Variants in SPTLC3 observed in about 807,000 individuals in gnomAD.
SPTLC3 encodes serine palmitoyltransferase long chain base subunit 3, also known as serine palmitoyltransferase 3.
SPTLC3 carries 36 observed loss-of-function variants against 59.3 expected under a neutral mutation model. That is an observed-to-expected ratio of 0.61 (90% CI 0.47 to 0.80). The LOEUF is 0.80. SPTLC3 is among the 30% of genes least tolerant of loss of function. SPTLC3 has a pLI of 0.00. For missense variants in SPTLC3, 625 were observed against 685.1 expected, an observed-to-expected ratio of 0.91 and a Z score of 0.98; for synonymous variants, 257 against 240.8, an observed-to-expected ratio of 1.07 and a Z score of -0.62.
chr20:13,085,555 G>A (rs949973451), intron 4 of SPTLC3, among the ~76,000 whole-genome samples: 3 of 152,124 alleles, frequency 2.0e-5, no homozygotes, highest in Admixed American at 6.5e-5. Flanking sequence ...GGACATTCTG[G>A]ACCAAAAGTG....
intron 1 of SPTLC3, among the ~76,000 whole-genome samples, chr20:13,011,554 T>C (rs1985251386): frequency 6.6e-6 from 1 of 152,172 alleles, no homozygotes; most frequent in African/African-American, 2.4e-5. Flanking sequence ...TGAAAATTAC[T>C]ATTAGGCGGT....
Position 13,031,642 on chromosome 20 carries a change from C to A in SPTLC3, c.118-17303C>A, listed in dbSNP as rs147719998. On this transcript the variant is annotated intron_variant, in intron 1 of 11. Coordinates refer to ENST00000399002, the MANE Select transcript of SPTLC3 (RefSeq NM_018327.4). Reference sequence around the variant, plus strand: ...ATGGTTTCTCTCCACTAGCCCATGACCTCCATGAGGCTGGGTGCTGTAAGA... The same window carrying A: ...ATGGTTTCTCTCCACTAGCCCATGAACTCCATGAGGCTGGGTGCTGTAAGA... Among the ~76,000 whole-genome samples, 436 of 152,242 alleles carry A rather than the reference C, an allele frequency of 2.9e-3. 4 individuals are homozygous for A. Among genetic ancestry groups the A allele is most frequent in the African/African-American group, 0.01 (421 of 41,550 alleles).
intron 8 of SPTLC3, among the ~76,000 whole-genome samples, chr20:13,123,001 G>A (rs576541674): frequency 1.3e-5 from 2 of 152,224 alleles, no homozygotes; most frequent in Non-Finnish European, 2.9e-5. Flanking sequence ...CCCGCCCCAT[G>A]CTCCCAGTTC....
chr20:13,083,587 C>G (rs1349876955), intron 4 of SPTLC3, among the ~76,000 whole-genome samples: 1 of 152,108 alleles, frequency 6.6e-6, no homozygotes, highest in East Asian at 1.9e-4. Flanking sequence ...ATGCCAAAGT[C>G]CAGAAAGTCT....
rs889569881 is a variant in SPTLC3, at chr20:13,053,148, G to T, written c.303+4018G>T. ...CAGACACCTCATACAGGAGAGCTCC[G>T]GCTGGCATCTGGTGGGTGGCCCTCT... On this transcript the variant is annotated intron_variant, in intron 2 of 11. Transcript: ENST00000399002. 2.0e-5 allele frequency among the ~76,000 whole-genome samples: 3 copies of T among 152,224 alleles called. No homozygotes were observed. In the East Asian group the frequency reaches 5.8e-4, roughly 29 times the overall value.
chr20:13,010,314 C>CATCATTTG (rs1985172183), intron 1 of SPTLC3, among the ~76,000 whole-genome samples: 2 of 152,264 alleles, frequency 1.3e-5, no homozygotes, highest in Admixed American at 6.5e-5. Flanking sequence ...TGCAATCTTC[C>CATCATTTG]ATCATTTGAT....
At chr20:13,122,881 G>A (rs2037898279) in intron 8 of SPTLC3, among the ~76,000 whole-genome samples, 1 of 152,150 alleles carries the variant, frequency 6.6e-6, no homozygotes, top group African/African-American at 2.4e-5. Context: ...TTGGTTTGAT[G>A]TATGGGTCTA....
At chr20:13,028,440 AC>A (rs1568569371) in intron 1 of SPTLC3, among the ~76,000 whole-genome samples, 1 of 152,080 alleles carries the variant, frequency 6.6e-6, no homozygotes, top group Non-Finnish European at 1.5e-5. Flanking sequence ...AGATCTAATA[AC>A]CCCTTATCCA....
At chr20:13,127,185 G>C (rs112884676) in intron 9 of SPTLC3, among the ~76,000 whole-genome samples, 1 of 152,206 alleles carries the variant, frequency 6.6e-6, no homozygotes, top group African/African-American at 2.4e-5. Context: ...CACACAATAA[G>C]CTTCCAGCCA....
At chr20:13,011,885 C>G (rs980109794) in intron 1 of SPTLC3, among the ~76,000 whole-genome samples, 1 of 152,078 alleles carries the variant, frequency 6.6e-6, no homozygotes, top group Non-Finnish European at 1.5e-5. Flanking sequence ...GATTTGTTCT[C>G]CCTCTTCATG....
At chr20:13,118,746 T>C (rs1453855291) in intron 8 of SPTLC3, among the ~76,000 whole-genome samples, 1 of 152,200 alleles carries the variant, frequency 6.6e-6, no homozygotes, top group African/African-American at 2.4e-5. Flanking sequence ...CCTATTGTGA[T>C]GAACAGGAAC....
intron 7 of SPTLC3, among the ~76,000 whole-genome samples, chr20:13,113,118 G>T (rs1990334111): frequency 6.6e-6 from 1 of 152,134 alleles, no homozygotes; most frequent in Admixed American, 6.5e-5. Context: ...GGGAGGCAGA[G>T]GTTGCAGTGA....
chr20:13,102,839 C>A (rs967052392), intron 6 of SPTLC3, among the ~76,000 whole-genome samples: 1 of 152,182 alleles, frequency 6.6e-6, no homozygotes, highest in Non-Finnish European at 1.5e-5. Flanking sequence ...CTATTGGACA[C>A]CCTGTCCCTG....
intron 11 of SPTLC3, among the ~76,000 whole-genome samples, chr20:13,161,941 A>G (rs559581172): frequency 1.3e-4 from 20 of 152,342 alleles, no homozygotes; most frequent in African/African-American, 4.8e-4. Context: ...ATTGAGTAGC[A>G]TGTTAACAAC....
At chr20:13,070,667 C>T (rs1247174936) in intron 2 of SPTLC3, among the ~76,000 whole-genome samples, 1 of 152,134 alleles carries the variant, frequency 6.6e-6, no homozygotes, top group Admixed American at 6.5e-5. Flanking sequence ...CCTGCAAATG[C>T]TTCGGGTCCT....
At chr20:13,117,981 C>G (rs559245127) in intron 8 of SPTLC3, among the ~76,000 whole-genome samples, 2 of 150,978 alleles carry the variant, frequency 1.3e-5, no homozygotes, top group African/African-American at 4.8e-5. Context: ...ACATAAGATG[C>G]AAAGTACCAG....
At chr20:13,015,727 A>T (rs1257988402) in intron 1 of SPTLC3, among the ~76,000 whole-genome samples, 1 of 152,160 alleles carries the variant, frequency 6.6e-6, no homozygotes, top group Non-Finnish European at 1.5e-5. Flanking sequence ...AGCACTACCA[A>T]CTAGTAAATC....
intron 9 of SPTLC3, 61 bp from the exon 10 acceptor site, chr20:13,153,942 C>T (rs779863534): frequency 9.4e-6 from 15 of 1,590,998 alleles, no homozygotes; most frequent in Admixed American, 1.7e-5. Context: ...CCAAGTTGAC[C>T]GGACCTTTAC....
At chr20:13,107,788 T>C (rs1482796155) in intron 6 of SPTLC3, among the ~76,000 whole-genome samples, 3 of 151,868 alleles carry the variant, frequency 2.0e-5, no homozygotes, top group Non-Finnish European at 4.4e-5. Context: ...TTTTTTTTTT[T>C]TGTATCTGTT....
Sources: gnomAD v4.1 joint callset for allele counts (sites outside exome capture counted in the v4.1 genomes callset) on GRCh38, gnomAD v4.1.1 for gene constraint, MANE v1.5 for transcripts, NCBI Gene and HGNC (gene_info 2026-07-23, HGNC 2026-07-21) for gene names.